The following TWIST2 variants were observed in gnomAD, a reference collection of about 807,000 sequenced individuals.
TWIST2 encodes the protein twist family bHLH transcription factor 2, also known as twist-related protein 2.
TWIST2 carries 1 observed loss-of-function variant against 11.6 expected under a neutral mutation model. The observed-to-expected ratio is 0.09, with a 90% CI of 0.03 to 0.41. TWIST2 has a LOEUF of 0.41. Among genes scored for constraint, TWIST2 ranks in the 10% least tolerant of loss-of-function variants. The pLI is 0.98. For synonymous variants in TWIST2, 87 were observed against 96.6 expected, an observed-to-expected ratio of 0.90 and a Z score of 0.58; for missense variants, 168 against 226.4, an observed-to-expected ratio of 0.74 and a Z score of 1.66.
intron 1 of TWIST2, among the ~76,000 whole-genome samples, chr2:238,868,993 C>T (rs1262390748): frequency 6.6e-6 from 1 of 152,210 alleles, no homozygotes; most frequent in African/African-American, 2.4e-5. Context: ...GAGACAGTGT[C>T]GTCCGCACCA....
chr2:238,855,975 C>G (rs539095002), intron 1 of TWIST2, among the ~76,000 whole-genome samples: 73 of 152,340 alleles, frequency 4.8e-4, no homozygotes, highest in Non-Finnish European at 9.3e-4. Flanking sequence ...AAACAGATAT[C>G]TGTACCCTAA....
At chr2:238,893,543 C>G (rs1308375975) in intron 1 of TWIST2, among the ~76,000 whole-genome samples, 1 of 152,186 alleles carries the variant, frequency 6.6e-6, no homozygotes, top group Non-Finnish European at 1.5e-5. Flanking sequence ...GACACCTAGG[C>G]TTAATTCCCA....
Position 238,856,533 on chromosome 2 carries a change from G to GT in TWIST2, c.*35+7810dup, listed in dbSNP as rs561620939. Among the ~76,000 whole-genome samples the GT allele has an allele frequency of 5.9e-4, 88 of 148,628 alleles. 1 individual carries two copies. The highest frequency in any genetic ancestry group is 2.1e-3 in the South Asian group (10 of 4,694). On this transcript the variant is annotated intron_variant, in intron 1 of 1. Coordinates refer to ENST00000612363, the MANE Select transcript of TWIST2 (RefSeq NM_001271893.4). ...CATTTATAATTTATAACATGGAAAA[G>GT]TTTTTTTTTTATGAAGGACAAAATA...
At chr2:238,856,863 C>T (rs535315729) in intron 1 of TWIST2, among the ~76,000 whole-genome samples, 64 of 152,298 alleles carry the variant, frequency 4.2e-4, no homozygotes, top group African/African-American at 1.4e-3. Context: ...AATAGTGCCA[C>T]GAGGGAGGCC....
At chr2:238,891,897 G>A (rs969929766) in intron 1 of TWIST2, among the ~76,000 whole-genome samples, 2 of 152,176 alleles carry the variant, frequency 1.3e-5, no homozygotes, top group African/African-American at 4.8e-5. Flanking sequence ...GCCACTGCGT[G>A]TGGGAAGATT....
intron 1 of TWIST2, among the ~76,000 whole-genome samples, chr2:238,895,008 A>G (rs1693190670): frequency 6.6e-6 from 1 of 152,104 alleles, no homozygotes; most frequent in Non-Finnish European, 1.5e-5. Flanking sequence ...GTCTCCCCAT[A>G]TGAACTGTGA....
intron 1 of TWIST2, among the ~76,000 whole-genome samples, chr2:238,898,384 CTG>C (rs1693230403): frequency 6.6e-6 from 1 of 152,238 alleles, no homozygotes; most frequent in Non-Finnish European, 1.5e-5. Context: ...GATGTTGACT[CTG>C]AGGCTCCGAG....
At position 238,866,679 on chromosome 2, in the gene TWIST2, G is replaced by T. The variant is rs1692542599; in HGVS notation, c.*35+17946G>T. ...CATGGAAAAAAAAAAGAAAAGCACG[G>T]CGCCTTCATGTTCCATGCCTTCACG... is the stretch of plus-strand genomic sequence containing the variant. On this transcript the variant is annotated intron_variant, in intron 1 of 1. Coordinates refer to ENST00000612363, the MANE Select transcript of TWIST2 (RefSeq NM_001271893.4). This position sits in a 1 kb window ranked among gnomAD's most constrained non-coding sequence, Gnocchi z 4.9. Among the ~76,000 whole-genome samples, 1 of 152,048 alleles carries T rather than the reference G, an allele frequency of 6.6e-6. No individual in the cohort carries two copies. The highest frequency in any genetic ancestry group is 2.1e-4 in the South Asian group (1 of 4,820).
At chr2:238,852,845 T>C (rs539116115) in intron 1 of TWIST2, among the ~76,000 whole-genome samples, 11 of 152,344 alleles carry the variant, frequency 7.2e-5, no homozygotes, top group Admixed American at 2.0e-4. Context: ...TGCAACCTCA[T>C]GTGAATCTAT....
chr2:238,859,915 T>A (rs1365658162), intron 1 of TWIST2, among the ~76,000 whole-genome samples: 1 of 152,224 alleles, frequency 6.6e-6, no homozygotes, highest in Non-Finnish European at 1.5e-5. Flanking sequence ...GACTGAGTTC[T>A]CACCCTCTGG....
At chr2:238,870,864 CACA>C (rs1692675849) in intron 1 of TWIST2, among the ~76,000 whole-genome samples, 1 of 43,666 alleles carries the variant, frequency 2.3e-5, no homozygotes, top group Non-Finnish European at 4.3e-5. Context: ...CACCTTACCC[CACA>C]CACACCACAC....
At chr2:238,907,245 G>A (rs1464015514) in intron 1 of TWIST2, among the ~76,000 whole-genome samples, 41 of 152,346 alleles carry the variant, frequency 2.7e-4, no homozygotes, top group African/African-American at 9.9e-4. Context: ...GCCCCACTGA[G>A]GTGGCCCAAG....
At chr2:238,855,531 GAT>G (rs1452622442) in intron 1 of TWIST2, among the ~76,000 whole-genome samples, 4 of 152,224 alleles carry the variant, frequency 2.6e-5, no homozygotes, top group Admixed American at 2.0e-4. Context: ...AGGAGAGAAA[GAT>G]GTGATCATTT....
rs1274442778 is a variant in TWIST2 at position 238,870,131 on chromosome 2, CA to C, written c.*35+21399del. Among the ~76,000 whole-genome samples, 21 of 120,510 alleles carry C rather than the reference CA, an allele frequency of 1.7e-4. No individual in the cohort carries two copies. The East Asian group carries it at 2.9e-3, about 16-fold the overall frequency. 79.1% of individuals were successfully genotyped at this position (120,510 alleles called of 152,430 possible). ...AGACACACCATACACCCCCCACACA[CA>C]CACCACACCCCATACACACCACACC... On this transcript the variant is annotated intron_variant, in intron 1 of 1. Coordinates refer to ENST00000612363, the MANE Select transcript of TWIST2 (RefSeq NM_001271893.4).
intron 1 of TWIST2, among the ~76,000 whole-genome samples, chr2:238,853,134 TAC>T (rs1224320955): frequency 6.6e-6 from 1 of 152,180 alleles, no homozygotes; most frequent in Admixed American, 6.5e-5. Flanking sequence ...ATAATAGCAA[TAC>T]ATTTATTCCT....
At chr2:238,906,333 T>TAC (rs1225807758) in intron 1 of TWIST2, among the ~76,000 whole-genome samples, 1 of 144,662 alleles carries the variant, frequency 6.9e-6, no homozygotes, top group Admixed American at 6.8e-5. Flanking sequence ...TGTACATGCT[T>TAC]ACACACACAC....
chr2:238,897,407 CT>C (rs36168821), intron 1 of TWIST2, among the ~76,000 whole-genome samples: 6 of 152,258 alleles, frequency 3.9e-5, no homozygotes, highest in Admixed American at 1.3e-4. Context: ...GGACACCTGC[CT>C]TTTTACCAAG....
At chr2:238,856,805 A>C (rs1692338044) in intron 1 of TWIST2, among the ~76,000 whole-genome samples, 1 of 152,150 alleles carries the variant, frequency 6.6e-6, no homozygotes, top group Non-Finnish European at 1.5e-5. Flanking sequence ...TGCCGTTCTC[A>C]GAAAAACAAC....
intron 1 of TWIST2, among the ~76,000 whole-genome samples, chr2:238,880,347 A>G: frequency 7.2e-6 from 1 of 139,726 alleles, no homozygotes; most frequent in East Asian, 2.1e-4. Flanking sequence ...TAGTGTCAGT[A>G]TTAGTGTTAG....
Sources: allele counts gnomAD v4.1 joint callset (sites outside exome capture counted in the v4.1 genomes callset), GRCh38; gene constraint gnomAD v4.1.1; non-coding constraint Gnocchi (gnomAD v3.1); transcripts MANE v1.5; gene names NCBI Gene and HGNC (gene_info 2026-07-23, HGNC 2026-07-21).